The following RABGAP1L variants were observed in gnomAD, a reference collection of about 807,000 sequenced individuals.
The protein encoded by RABGAP1L is RAB GTPase activating protein 1 like.
Under a neutral mutation model 137.7 loss-of-function variants are expected in RABGAP1L, and 63 were observed. The observed-to-expected ratio is 0.46, with a 90% CI of 0.37 to 0.56. The LOEUF (loss-of-function observed/expected upper bound fraction) is 0.56, where lower values mean the gene tolerates loss of function less well. Ranked by LOEUF, RABGAP1L falls within the 20% of genes least tolerant of loss-of-function variation. RABGAP1L has a pLI of 0.00. For missense variants in RABGAP1L, 1,095 were observed against 1,244.0 expected, an observed-to-expected ratio of 0.88 and a Z score of 1.80; for synonymous variants, 431 against 433.7, an observed-to-expected ratio of 0.99 and a Z score of 0.08.
chr1:174,372,194 T>C (rs1332071979), intron 12 of RABGAP1L, among the ~76,000 whole-genome samples: 1 of 152,044 alleles, frequency 6.6e-6, no homozygotes, highest in Non-Finnish European at 1.5e-5. Flanking sequence ...CAGAATCTAA[T>C]TTAAAGGTAA....
chr1:174,213,512 C>A (rs1398468254), intron 1 of RABGAP1L, among the ~76,000 whole-genome samples: 1 of 152,114 alleles, frequency 6.6e-6, no homozygotes, highest in African/African-American at 2.4e-5. Context: ...AAAGACACAT[C>A]AAAAACAAAC....
At chr1:174,900,904 T>A (rs1049570463) in intron 19 of RABGAP1L, among the ~76,000 whole-genome samples, 6 of 152,170 alleles carry the variant, frequency 3.9e-5, no homozygotes, top group Non-Finnish European at 7.4e-5. Context: ...CCTGGTTATT[T>A]TCTCCCCATC....
chr1:174,934,794 CAT>C (rs1573898543), intron 19 of RABGAP1L, among the ~76,000 whole-genome samples: 1 of 151,426 alleles, frequency 6.6e-6, no homozygotes, highest in East Asian at 2.0e-4. Flanking sequence ...CTATCTCATT[CAT>C]ATATGTGTGT....
At chr1:174,422,157 T>C (rs925130731) in intron 13 of RABGAP1L, among the ~76,000 whole-genome samples, 1 of 152,226 alleles carries the variant, frequency 6.6e-6, no homozygotes, top group Non-Finnish European at 1.5e-5. Context: ...AGAAAGATCC[T>C]GTGTTTCATT....
chr1:174,892,769 G>A (rs558025171), intron 19 of RABGAP1L: 30 of 395,844 alleles, frequency 7.6e-5, no homozygotes, highest in African/African-American at 4.5e-4. Context: ...TGCTCTTGTC[G>A]CCCAGGCTGG....
chr1:174,597,499 A>G (rs900676291), intron 13 of RABGAP1L, among the ~76,000 whole-genome samples: 3 of 152,006 alleles, frequency 2.0e-5, no homozygotes, highest in East Asian at 3.9e-4. Context: ...ATTTATTGGC[A>G]TATGGTTGTT....
At chr1:174,699,715 A>T in intron 16 of RABGAP1L, 65 bp downstream of exon 16, 1 of 1,432,768 alleles carries the variant, frequency 7.0e-7, no homozygotes, top group Non-Finnish European at 9.6e-7. Flanking sequence ...AGCCTAATAG[A>T]GTTGGTAAGC....
intron 14 of RABGAP1L, among the ~76,000 whole-genome samples, chr1:174,643,916 G>GGGGGGT (rs1553224198): frequency 1.6e-4 from 24 of 145,722 alleles, no homozygotes; most frequent in Admixed American, 1.1e-3. Context: ...CTTATATAGG[G>GGGGGGT]GTGTGTGTGT....
chr1:174,917,721 T>C (rs539072267), intron 19 of RABGAP1L, among the ~76,000 whole-genome samples: 21 of 152,024 alleles, frequency 1.4e-4, no homozygotes, highest in Middle Eastern at 3.4e-3. Flanking sequence ...TCACCTGAGG[T>C]CAGGAGTTCA....
intron 17 of RABGAP1L, among the ~76,000 whole-genome samples, chr1:174,730,612 GTTAA>G (rs1682386941): frequency 6.6e-6 from 1 of 152,138 alleles, no homozygotes; most frequent in Non-Finnish European, 1.5e-5. Flanking sequence ...CCCGAAACTG[GTTAA>G]TTATGTTTAA....
At chr1:174,599,870 C>G (rs968062879) in intron 13 of RABGAP1L, among the ~76,000 whole-genome samples, 1 of 152,058 alleles carries the variant, frequency 6.6e-6, no homozygotes, top group Non-Finnish European at 1.5e-5. Flanking sequence ...ATATCTTTCT[C>G]TAGGTTTGGA....
chr1:174,467,533 C>T lies in RABGAP1L; in HGVS notation c.1710+73388C>T, dbSNP rs73040875. ...TATCTATACCAGGGAAGAGAAATAA[C>T]GTTTCTACTAAATAAATGTAAAAGT... On this transcript the variant is annotated intron_variant, in intron 13 of 25. Coordinates refer to ENST00000681986, the MANE Select transcript of RABGAP1L (RefSeq NM_001366446.1). Among the ~76,000 whole-genome samples the T allele has an allele frequency of 5.4e-3, 817 of 152,068 alleles. 10 individuals are homozygous for T. Among genetic ancestry groups the T allele is most frequent in the African/African-American group, 0.019 (771 of 41,504 alleles).
intron 13 of RABGAP1L, among the ~76,000 whole-genome samples, chr1:174,399,009 G>A (rs994591407): frequency 6.6e-6 from 1 of 152,092 alleles, no homozygotes; most frequent in African/African-American, 2.4e-5. Flanking sequence ...ACAACTTTAA[G>A]TTTTTAATGT....
At chr1:174,544,676 G>T (rs1173024519) in intron 13 of RABGAP1L, among the ~76,000 whole-genome samples, 2 of 152,180 alleles carry the variant, frequency 1.3e-5, no homozygotes, top group African/African-American at 4.8e-5. Flanking sequence ...AGGAGAAGAG[G>T]CCCTCTGATT....
intron 11 of RABGAP1L, among the ~76,000 whole-genome samples, chr1:174,342,605 G>GT (rs1361535699): frequency 3.9e-5 from 6 of 151,998 alleles, no homozygotes; most frequent in Admixed American, 2.6e-4. Context: ...TAGAATTTCT[G>GT]TTTTTTCTTT....
At chr1:174,640,462 C>T (rs1271287554) in intron 14 of RABGAP1L, among the ~76,000 whole-genome samples, 1 of 152,042 alleles carries the variant, frequency 6.6e-6, no homozygotes, top group Non-Finnish European at 1.5e-5. Flanking sequence ...TGTGTGTAAC[C>T]TTTAAGGCTT....
chr1:174,666,112 C>T (rs1676767300), intron 14 of RABGAP1L, among the ~76,000 whole-genome samples: 2 of 152,160 alleles, frequency 1.3e-5, no homozygotes, highest in South Asian at 2.1e-4. Flanking sequence ...TGTCTCCCAG[C>T]TTATGTGAGA....
chr1:174,586,340 T>A (rs1268280832), intron 13 of RABGAP1L, among the ~76,000 whole-genome samples: 1 of 149,192 alleles, frequency 6.7e-6, no homozygotes, highest in African/African-American at 2.5e-5. Flanking sequence ...AGCTGAACAA[T>A]GAGAACACAT....
At chr1:174,789,640 C>T (rs1687708404) in intron 18 of RABGAP1L, among the ~76,000 whole-genome samples, 1 of 151,982 alleles carries the variant, frequency 6.6e-6, no homozygotes, top group Non-Finnish European at 1.5e-5. Flanking sequence ...GTGGGGTCTC[C>T]TGGGGAGAAC....
Sources: gnomAD v4.1 joint callset for allele counts (sites outside exome capture counted in the v4.1 genomes callset) on GRCh38, gnomAD v4.1.1 for gene constraint, MANE v1.5 for transcripts, NCBI Gene and HGNC (gene_info 2026-07-23, HGNC 2026-07-21) for gene names.